RELL1: variants seen among roughly 807,000 people sequenced by gnomAD.
RELL1 encodes the protein RELT like 1, also known as RELT-like protein 1.
In RELL1, 10 loss-of-function variants were observed where a neutral mutation model predicts 23.0. That is an observed-to-expected ratio of 0.43 (90% CI 0.27 to 0.74). The LOEUF (loss-of-function observed/expected upper bound fraction) is 0.74. RELL1 is among the 30% of genes least tolerant of loss of function. RELL1 has a pLI of 0.19. For synonymous variants in RELL1, 146 were observed against 146.8 expected (o/e 0.99, Z 0.04); for missense variants, 315 against 364.4 (o/e 0.86, Z 1.10).
intron 6 of RELL1, among the ~76,000 whole-genome samples, chr4:37,620,366 G>T (rs1719725208): frequency 6.6e-6 from 1 of 152,120 alleles, no homozygotes; most frequent in South Asian, 2.1e-4. Flanking sequence ...AGCAACAATG[G>T]GTTTCCCAAG....
chr4:37,659,642 G>C (rs1295262693), intron 1 of RELL1, among the ~76,000 whole-genome samples: 1 of 151,946 alleles, frequency 6.6e-6, no homozygotes, highest in African/African-American at 2.4e-5. Context: ...CACCTCCCTG[G>C]GCCTCAGTTT....
intron 6 of RELL1, among the ~76,000 whole-genome samples, chr4:37,619,636 T>C (rs1412307427): frequency 1.3e-5 from 2 of 152,146 alleles, no homozygotes; most frequent in Non-Finnish European, 2.9e-5. Context: ...GGCATGATCC[T>C]GACTCACTAC....
chr4:37,637,260 T>C (rs1437089492), intron 4 of RELL1, among the ~76,000 whole-genome samples: 1 of 152,220 alleles, frequency 6.6e-6, no homozygotes, highest in Admixed American at 6.5e-5. Flanking sequence ...ACTCAACTCC[T>C]TGCATTCTGA....
At chr4:37,645,286 A>G (rs1432969864) in intron 3 of RELL1, among the ~76,000 whole-genome samples, 1 of 152,098 alleles carries the variant, frequency 6.6e-6, no homozygotes, top group Admixed American at 6.5e-5. Context: ...TGAAAGGCAC[A>G]GAGGCAGTGA....
intron 6 of RELL1, among the ~76,000 whole-genome samples, chr4:37,624,990 C>A (rs900651882): frequency 3.9e-5 from 6 of 152,194 alleles, no homozygotes; most frequent in Non-Finnish European, 7.3e-5. Context: ...GACTTATGAA[C>A]TACACATATA....
chr4:37,604,920 G>GACACACACACACACACACACAC (rs1491085547), intron 6 of RELL1, among the ~76,000 whole-genome samples: 2 of 108,186 alleles, frequency 1.8e-5, no homozygotes, highest in Admixed American at 8.3e-5. Context: ...CACACACACA[G>GACACACACACACACACACACAC]ACACACACAC....
At chr4:37,636,554 C>T (rs78313250) in intron 4 of RELL1, among the ~76,000 whole-genome samples, 3,660 of 149,078 alleles carry the variant, frequency 0.025, 179 homozygotes, top group East Asian at 0.13. Context: ...TAGATCGCGC[C>T]ACTGCACTCC....
downstream of RELL1, among the ~76,000 whole-genome samples, chr4:37,608,968 T>G (rs185153524): frequency 6.6e-6 from 1 of 152,334 alleles, no homozygotes; most frequent in Non-Finnish European, 1.5e-5. Flanking sequence ...ATTGCCATTA[T>G]ACAGAAGTAC....
chr4:37,672,845 T>G (rs1577608044), intron 1 of RELL1, among the ~76,000 whole-genome samples: 1 of 152,216 alleles, frequency 6.6e-6, no homozygotes, highest in East Asian at 1.9e-4. Context: ...ATCATCCCAA[T>G]GCTGATATGC....
chr4:37,589,693 G>A (rs1477396260), downstream of RELL1, among the ~76,000 whole-genome samples: 2 of 152,098 alleles, frequency 1.3e-5, no homozygotes, highest in African/African-American at 2.4e-5. Context: ...GTGCAGGGGC[G>A]TGATCTCAGC....
downstream of RELL1, among the ~76,000 whole-genome samples, chr4:37,589,878 C>T (rs1436886193): frequency 3.3e-5 from 5 of 152,220 alleles, no homozygotes; most frequent in African/African-American, 4.8e-5. Context: ...GTGATCCACC[C>T]GCCTTGGCCA....
intron 6 of RELL1, among the ~76,000 whole-genome samples, chr4:37,605,444 G>T (rs964555215): frequency 6.6e-6 from 1 of 152,102 alleles, no homozygotes. Flanking sequence ...ATCTTGTGGT[G>T]CCAGAAAGTA....
chr4:37,609,265 C>T (rs1157701320), downstream of RELL1, among the ~76,000 whole-genome samples: 2 of 152,174 alleles, frequency 1.3e-5, no homozygotes, highest in Admixed American at 1.3e-4. Context: ...TGCCTGTAAA[C>T]AGCCTAGATA....
intron 1 of RELL1, 41 bp from the exon 2 acceptor site, chr4:37,649,541 A>G: frequency 6.4e-7 from 1 of 1,557,612 alleles, no homozygotes; most frequent in Non-Finnish European, 8.8e-7. Flanking sequence ...ATATCTGTCC[A>G]GGGCAAGAAA....
intron 1 of RELL1, among the ~76,000 whole-genome samples, chr4:37,658,415 A>G (rs1560350980): frequency 6.6e-6 from 1 of 152,218 alleles, no homozygotes; most frequent in Non-Finnish European, 1.5e-5. Context: ...AACAGCCACC[A>G]CCACAACTAT....
chr4:37,628,226 T>C (rs1011052495), intron 6 of RELL1, among the ~76,000 whole-genome samples: 16 of 152,162 alleles, frequency 1.1e-4, no homozygotes, highest in Admixed American at 9.8e-4. Context: ...TTGGACCCAG[T>C]TGAATGAAGT....
intron 6 of RELL1, among the ~76,000 whole-genome samples, chr4:37,604,476 G>A (rs960650479): frequency 6.6e-6 from 1 of 152,092 alleles, no homozygotes; most frequent in African/African-American, 2.4e-5. Context: ...AGCATAAGCT[G>A]TTATTGATCA....
chr4:37,617,465 A>C (rs1338146725), intron 6 of RELL1, among the ~76,000 whole-genome samples: 1 of 152,260 alleles, frequency 6.6e-6, no homozygotes, highest in Non-Finnish European at 1.5e-5. Flanking sequence ...AAAATCACTT[A>C]AAGACTGAAA....
intron 6 of RELL1, among the ~76,000 whole-genome samples, chr4:37,620,998 A>C (rs1372697673): frequency 2.6e-5 from 4 of 152,204 alleles, no homozygotes; most frequent in African/African-American, 9.7e-5. Context: ...CCAAAGCTAG[A>C]TAGCTAAAAA....
Sources: allele counts gnomAD v4.1 joint callset (sites outside exome capture counted in the v4.1 genomes callset), GRCh38; gene constraint gnomAD v4.1.1; transcripts MANE v1.5; gene names NCBI Gene and HGNC (gene_info 2026-07-23, HGNC 2026-07-21).